The following CMYA5 variants were observed in gnomAD, a reference collection of about 807,000 sequenced individuals.
CMYA5 encodes cardiomyopathy-associated protein 5.
Under a neutral mutation model 318.9 loss-of-function variants are expected in CMYA5, and 246 were observed. That is an observed-to-expected ratio of 0.77 (90% CI 0.70 to 0.86). The LOEUF is 0.86. Among genes scored for constraint, CMYA5 ranks in the 40% least tolerant of loss-of-function variants. CMYA5 has a pLI of 0.00. For missense variants in CMYA5, 4,589 were observed against 4,678.2 expected (o/e 0.98, Z 0.56); for synonymous variants, 1,641 against 1,729.5 (o/e 0.95, Z 1.27).
chr5:79,799,220 A>G, intron 12 of CMYA5, 150 bp from the exon 13 acceptor site: 1 of 737,230 alleles, frequency 1.4e-6, no homozygotes, highest in Non-Finnish European at 2.1e-6. Flanking sequence ...TCTAGAAGAA[A>G]TCTAGTGAAG....
At chr5:79,745,053 G>A (rs914150062) in intron 3 of CMYA5, among the ~76,000 whole-genome samples, 169 bp from the exon 4 acceptor site, 5 of 151,998 alleles carry the variant, frequency 3.3e-5, no homozygotes, top group Admixed American at 3.3e-4. Context: ...AAAACTAACT[G>A]TGGGAAAGGG....
In CMYA5 at chr5:79,734,851, C is replaced by A; in HGVS notation, c.6086C>A (p.Ser2029Tyr). ...LLLEKANTEL[S>Y]WPSKEDSQEK... is the part of the protein sequence containing the mutation. ...TTGGAGAAAGCAAACACAGAGCTTT[C>A]CTGGCCTTCCAAAGAAGATAGCCAG... The change falls in exon 2 of 13, where the codon TCC becomes TAC. Residue 2029 changes from serine to tyrosine, a missense_variant. Ser to Tyr is a moderately radical substitution (Grantham distance 144). This residue lies in a region of CMYA5 where 2,431 missense variants were observed against 2,495.1 expected (regional missense o/e 0.97). Coordinates refer to ENST00000446378, the MANE Select transcript of CMYA5 (RefSeq NM_153610.5). 1 of 1,613,728 alleles carries A rather than the reference C, an allele frequency of 6.2e-7. No individual in the cohort carries two copies. The highest frequency in any genetic ancestry group is 8.5e-7 in the Non-Finnish European group (1 of 1,179,800).
In CMYA5 at chr5:79,736,520, A is replaced by G. The variant is rs1425606058; in HGVS notation, c.7755A>G (p.Ser2585=). 2.5e-6 allele frequency: 4 copies of G among 1,613,414 alleles called. No individual in the cohort carries two copies. Among genetic ancestry groups the G allele is most frequent in the Non-Finnish European group, 3.4e-6 (4 of 1,179,654 alleles). ...GTCATTCTTTGGGTGAAACTCAATCATTTTCATTAGTTAAAGCTACATCAG... is the reference window on the plus strand; with the variant it reads ...GTCATTCTTTGGGTGAAACTCAATCGTTTTCATTAGTTAAAGCTACATCAG... ...SLGHSLGETQ[S]FSLVKATSVT... The change falls in exon 2 of 13, where the codon TCA becomes TCG. Residue 2585 remains serine, a synonymous_variant. Coordinates refer to ENST00000446378, the MANE Select transcript of CMYA5 (RefSeq NM_153610.5).
chr5:79,730,867 C>T lies in CMYA5; in HGVS notation c.2102C>T (p.Ser701Leu). ...GACTCCACATCTGCTTCTGAATATT[C>T]AGTTCCATCACTGGCAACAAAAGAG... ...TPDSTSASEY[S>L]VPSLATKESL... The change falls in exon 2 of 13, where the codon TCA (serine) becomes TTA (leucine). Residue 701 changes from serine (S) to leucine (L), a missense_variant. Around this residue, in one of 3 missense-constraint regions of CMYA5, gnomAD observed 2,132 missense variants for 2,131.3 expected, o/e 1.00. Transcript: ENST00000446378. 6.2e-7 allele frequency: 1 copy of T among 1,613,918 alleles called. No homozygotes were observed. The highest frequency in any genetic ancestry group is 8.5e-7 in the Non-Finnish European group (1 of 1,179,854).
intron 2 of CMYA5, among the ~76,000 whole-genome samples, chr5:79,740,977 C>G (rs554966225): frequency 6.6e-6 from 1 of 152,050 alleles, no homozygotes; most frequent in African/African-American, 2.4e-5. Flanking sequence ...CAAGTGATCC[C>G]TCTACCTCAG....
At chr5:79,747,782 C>T (rs1828356001) in intron 5 of CMYA5, among the ~76,000 whole-genome samples, 1 of 152,176 alleles carries the variant, frequency 6.6e-6, no homozygotes. Flanking sequence ...CCTTTTGCCC[C>T]ATAGCAAGAC....
chr5:79,750,098 G>A (rs1828403179), intron 5 of CMYA5, among the ~76,000 whole-genome samples: 2 of 151,900 alleles, frequency 1.3e-5, no homozygotes, highest in South Asian at 4.2e-4. Context: ...AGTGATCCTG[G>A]ATGTGCTCCC....
At chr5:79,694,005 C>G (rs144219051) in intron 1 of CMYA5, among the ~76,000 whole-genome samples, 282 of 152,204 alleles carry the variant, frequency 1.9e-3, no homozygotes, top group African/African-American at 6.3e-3. Flanking sequence ...AAAGGGATGA[C>G]CAGCTGCAAG....
chr5:79,708,557 G>A (rs546793995), intron 1 of CMYA5, among the ~76,000 whole-genome samples: 16 of 152,066 alleles, frequency 1.1e-4, no homozygotes, highest in South Asian at 6.2e-4. Flanking sequence ...CCCAGGAGGC[G>A]GAGCTTGCAG....
intron 10 of CMYA5, among the ~76,000 whole-genome samples, 193 bp from the exon 11 acceptor site, chr5:79,790,777 G>T (rs767444131): frequency 4.6e-5 from 7 of 152,190 alleles, no homozygotes; most frequent in Non-Finnish European, 8.8e-5. Flanking sequence ...ATGGCACCAC[G>T]TAGAGGTAAC....
Position 79,737,049 on chromosome 5 carries a change from G to A in CMYA5, c.8284G>A (p.Glu2762Lys). The A allele has an allele frequency of 6.2e-7, 1 of 1,613,658 alleles. No individual in the cohort carries two copies. Among genetic ancestry groups the A allele is most frequent in the South Asian group, 1.1e-5 (1 of 91,038 alleles). ...TATGCCAGATCACAGTGAAGAAAAA[G>A]AACAGTTCAAAGAGTCAGAGCTATG... ...RDMPDHSEEK[E>K]QFKESELWKG... Residue 2762 changes from glutamate to lysine, a missense_variant, in exon 2 of 13, where the codon GAA (glutamate) becomes AAA (lysine). Physicochemically the swap from Glu to Lys is moderately conservative, Grantham distance 56. Around this residue, in one of 3 missense-constraint regions of CMYA5, gnomAD observed 2,431 missense variants for 2,495.1 expected, o/e 0.97. Transcript: ENST00000446378.
intron 1 of CMYA5, 64 bp downstream of exon 1, chr5:79,690,120 T>C: frequency 1.5e-6 from 2 of 1,377,496 alleles, no homozygotes; most frequent in Non-Finnish European, 9.4e-7. Flanking sequence ...CTTGCTTGTT[T>C]GCTTTAAGTT....
At chr5:79,745,599 GC>G in intron 4 of CMYA5, 144 bp downstream of exon 4, 1 of 664,270 alleles carries the variant, frequency 1.5e-6, no homozygotes, top group Non-Finnish European at 2.6e-6. Flanking sequence ...CATTATTTGG[GC>G]ATGCCTGATG....
chr5:79,745,010 A>G (rs1042055255), intron 3 of CMYA5, among the ~76,000 whole-genome samples: 4 of 152,196 alleles, frequency 2.6e-5, no homozygotes, highest in African/African-American at 9.6e-5. Context: ...TTTCTTGATG[A>G]TACTGTTACA....
rs191405533 is a variant in CMYA5, at chr5:79,769,850, C to G, written c.11555+6641C>G. ...GTGCTGTGCTGGGAGATCTGCTGCTCTCTTCAGAGCTGGCAGGCTGGAACG... is the reference window on the plus strand; with the variant it reads ...GTGCTGTGCTGGGAGATCTGCTGCTGTCTTCAGAGCTGGCAGGCTGGAACG... On this transcript the variant is annotated intron_variant, in intron 9 of 12. Coordinates refer to ENST00000446378, the MANE Select transcript of CMYA5 (RefSeq NM_153610.5). Among the ~76,000 whole-genome samples, 345 of 152,328 alleles carry G rather than the reference C, an allele frequency of 2.3e-3. 5 individuals carry two copies. The highest frequency in any genetic ancestry group is 7.9e-3 in the African/African-American group (330 of 41,578).
At position 79,731,830 on chromosome 5, in the gene CMYA5, A is replaced by G. The variant is rs756681517; in HGVS notation, c.3065A>G (p.Glu1022Gly). Residue 1022 changes from glutamate to glycine, a missense_variant, in exon 2 of 13, where the codon GAG becomes GGG. Transcript: ENST00000446378. ...RISETEKNEL[E>G]PDSLLTAVSA... ...TCAGAAACAGAGAAAAATGAACTTG[A>G]GCCTGATTCACTATTAACTGCAGTG... is the stretch of plus-strand genomic sequence containing the variant. 1 of 1,613,092 alleles carries G rather than the reference A, an allele frequency of 6.2e-7. No individual in the cohort carries two copies. Among genetic ancestry groups the G allele is most frequent in the South Asian group, 1.1e-5 (1 of 90,742 alleles).
At chr5:79,691,576 C>G (rs11746176) in intron 1 of CMYA5, among the ~76,000 whole-genome samples, 31,855 of 152,028 alleles carry the variant, frequency 0.21, 3,370 homozygotes, top group East Asian at 0.36. Context: ...AGTGGAGGGA[C>G]ACATGAGGGA....
intron 6 of CMYA5, 92 bp from the exon 7 acceptor site, chr5:79,758,661 T>C: frequency 9.4e-7 from 1 of 1,059,188 alleles, no homozygotes. Flanking sequence ...ATTTCTGTAT[T>C]CTTTGAATAT....
chr5:79,770,476 A>C (rs528351943), intron 9 of CMYA5, among the ~76,000 whole-genome samples: 1 of 152,296 alleles, frequency 6.6e-6, no homozygotes, highest in Admixed American at 6.5e-5. Context: ...TGTGAAGACC[A>C]TGGGAAAAGC....
Sources: allele counts gnomAD v4.1 joint callset (sites outside exome capture counted in the v4.1 genomes callset), GRCh38; gene constraint gnomAD v4.1.1; regional missense constraint gnomAD v4.1.1; transcripts MANE v1.5; gene names NCBI Gene and HGNC (gene_info 2026-07-23, HGNC 2026-07-21).